The following CSMD2 variants were observed in gnomAD, a reference collection of about 807,000 sequenced individuals.
The protein encoded by CSMD2 is CUB and Sushi multiple domains 2, also known as CUB and sushi domain-containing protein 2.
In CSMD2, 130 loss-of-function variants were observed where a neutral mutation model predicts 398.5. That is an observed-to-expected ratio of 0.33 (90% CI 0.28 to 0.38). The LOEUF (loss-of-function observed/expected upper bound fraction) is 0.38. Ranked by LOEUF, CSMD2 falls within the 10% of genes least tolerant of loss-of-function variation. The probability of loss-of-function intolerance (pLI) is 1.00; values close to 1 mark genes in which losing one functional copy is unlikely to be tolerated. For missense variants in CSMD2, 3,829 were observed against 4,764.9 expected (o/e 0.80, Z 5.78); for synonymous variants, 1,828 against 1,908.5 (o/e 0.96, Z 1.10).
chr1:34,117,407 T>C (rs567934831), intron 1 of CSMD2, among the ~76,000 whole-genome samples: 1 of 152,038 alleles, frequency 6.6e-6, no homozygotes, highest in Non-Finnish European at 1.5e-5. Context: ...GACTGAATCA[T>C]GAAGAAATAA....
chr1:33,751,864 A>G (rs1232875179), intron 13 of CSMD2, among the ~76,000 whole-genome samples: 1 of 151,872 alleles, frequency 6.6e-6, no homozygotes, highest in Non-Finnish European at 1.5e-5. Context: ...CGACCTCATG[A>G]TCTGCCTGCC....
At chr1:34,148,970 G>A (rs760994609) in intron 1 of CSMD2, among the ~76,000 whole-genome samples, 1 of 152,144 alleles carries the variant, frequency 6.6e-6, no homozygotes, top group African/African-American at 2.4e-5. Context: ...AGGGTCTAGT[G>A]TTTCCCACAC....
At chr1:33,662,376 G>A (rs767416610) in intron 26 of CSMD2, among the ~76,000 whole-genome samples, 1 of 152,052 alleles carries the variant, frequency 6.6e-6, no homozygotes, top group Non-Finnish European at 1.5e-5. Context: ...GCCACATGGG[G>A]TAGCCCTCCA....
Position 33,602,643 on chromosome 1 carries a change from C to T in CSMD2, c.6533-97G>A, listed in dbSNP as rs3738341. 163 of 1,114,982 alleles carry T rather than the reference C, an allele frequency of 1.5e-4. No individual in the cohort carries two copies. In the East Asian group the frequency reaches 4.1e-3, roughly 28 times the overall value. 69.1% of individuals were successfully genotyped at this position (1,114,982 alleles called of 1,614,324 possible). A position where few individuals can be genotyped will look rare whatever the true frequency, so the allele number is the denominator to read the frequency against. ...GGAAATCCCAGCTCCCAGAACTAAT[C>T]ATCCTGTCAGGGAGGTTGGGTGGGA... On this transcript the variant is annotated intron_variant, in intron 42 of 70. Coordinates refer to ENST00000373381, the MANE Select transcript of CSMD2 (RefSeq NM_001281956.2).
intron 15 of CSMD2, among the ~76,000 whole-genome samples, chr1:33,730,791 A>T (rs150841245): frequency 7.8e-4 from 119 of 152,260 alleles, no homozygotes; most frequent in African/African-American, 2.8e-3. Flanking sequence ...GATATTAAAG[A>T]AGTTAAGTAA....
chr1:33,674,698 A>G (rs1644637958), intron 25 of CSMD2, among the ~76,000 whole-genome samples: 1 of 152,242 alleles, frequency 6.6e-6, no homozygotes, highest in African/African-American at 2.4e-5. Context: ...AATGGATCAC[A>G]TAGTTGGAAG....
At chr1:33,721,885 A>G (rs1171130061) in intron 19 of CSMD2, among the ~76,000 whole-genome samples, 2 of 152,258 alleles carry the variant, frequency 1.3e-5, no homozygotes, top group African/African-American at 4.8e-5. Context: ...AAAATAAGAG[A>G]CAACATCTTG....
chr1:33,833,728 G>A (rs1659892038), intron 6 of CSMD2, among the ~76,000 whole-genome samples: 1 of 151,828 alleles, frequency 6.6e-6, no homozygotes, highest in Admixed American at 6.6e-5. Context: ...GTTTGCAGAT[G>A]ACATGATTGT....
chr1:33,596,166 A>C (rs1639821798), intron 44 of CSMD2, among the ~76,000 whole-genome samples: 1 of 152,122 alleles, frequency 6.6e-6, no homozygotes, highest in South Asian at 2.1e-4. Flanking sequence ...CCAAGGTTTC[A>C]TTTCTGCTGA....
chr1:33,605,487 G>C lies in CSMD2; in HGVS notation c.6344-17C>G. 6.2e-7 allele frequency: 1 copy of C among 1,613,424 alleles called. No individual in the cohort carries two copies. Among genetic ancestry groups the C allele is most frequent in the Non-Finnish European group, 8.5e-7 (1 of 1,179,480 alleles). ...GTTCATAGGCTGGAAAAGATCCGGA[G>C]AAAAGGTCACTTTATTCTCTCTGAC... On this transcript the variant is annotated splice_polypyrimidine_tract_variant and intron_variant, in intron 41 of 70. Coordinates refer to ENST00000373381, the MANE Select transcript of CSMD2 (RefSeq NM_001281956.2).
chr1:34,082,833 T>C (rs1413042793), intron 2 of CSMD2, among the ~76,000 whole-genome samples: 1 of 152,032 alleles, frequency 6.6e-6, no homozygotes, highest in East Asian at 1.9e-4. Context: ...TTAAGGGCGG[T>C]GCAAGATGTG....
chr1:33,569,074 A>C (rs1659332597), intron 52 of CSMD2, among the ~76,000 whole-genome samples: 2 of 152,088 alleles, frequency 1.3e-5, no homozygotes, highest in African/African-American at 4.8e-5. Flanking sequence ...AAAAATGGAG[A>C]CTGGGGCTTC....
At chr1:34,055,475 T>C (rs1653724578) in intron 2 of CSMD2, among the ~76,000 whole-genome samples, 1 of 152,192 alleles carries the variant, frequency 6.6e-6, no homozygotes, top group Admixed American at 6.5e-5. Flanking sequence ...CCTTTACTTC[T>C]GACCAACTGG....
At chr1:33,561,685 C>T (rs1353201794) in intron 53 of CSMD2, among the ~76,000 whole-genome samples, 3 of 152,156 alleles carry the variant, frequency 2.0e-5, no homozygotes, top group Non-Finnish European at 4.4e-5. Context: ...GTGGCTTTTA[C>T]CCTCCTCTGG....
intron 1 of CSMD2, among the ~76,000 whole-genome samples, chr1:34,102,538 G>T (rs886094476): frequency 1.5e-5 from 2 of 135,702 alleles, no homozygotes; most frequent in South Asian, 2.3e-4. Flanking sequence ...CCTATCTCTT[G>T]TCCCCTCATC....
chr1:33,854,430 G>C (rs1398949439), intron 5 of CSMD2, among the ~76,000 whole-genome samples: 1 of 152,234 alleles, frequency 6.6e-6, no homozygotes, highest in Non-Finnish European at 1.5e-5. Flanking sequence ...AAGAGGCAGT[G>C]AGCAGGTGAG....
chr1:34,076,926 AAAATATATATATAT>A, intron 2 of CSMD2, among the ~76,000 whole-genome samples: 1 of 97,144 alleles, frequency 1.0e-5, no homozygotes, highest in African/African-American at 5.1e-5. Context: ...AAAAAAAAAA[AAAATATATATATAT>A]ATATATATAT....
chr1:34,015,069 C>A (rs2148083777), intron 3 of CSMD2, among the ~76,000 whole-genome samples: 1 of 152,372 alleles, frequency 6.6e-6, no homozygotes, highest in East Asian at 1.9e-4. Context: ...AGAAGGAAGT[C>A]CTCCTGTATC....
intron 41 of CSMD2, among the ~76,000 whole-genome samples, chr1:33,607,286 G>A (rs1203078920): frequency 6.6e-6 from 1 of 152,166 alleles, no homozygotes; most frequent in Non-Finnish European, 1.5e-5. Flanking sequence ...GAAGAGAAAA[G>A]AAGACCCTAG....
Sources: gnomAD v4.1 joint callset for allele counts (sites outside exome capture counted in the v4.1 genomes callset) on GRCh38, gnomAD v4.1.1 for gene constraint, MANE v1.5 for transcripts, NCBI Gene and HGNC (gene_info 2026-07-23, HGNC 2026-07-21) for gene names.